The following NALF1 variants were observed in gnomAD, a reference collection of about 807,000 sequenced individuals.
NALF1 encodes family with sequence similarity 155 member A.
In NALF1, 3 loss-of-function variants were observed where a neutral mutation model predicts 48.4. That is an observed-to-expected ratio of 0.06 (90% CI 0.03 to 0.16). The LOEUF is 0.16. NALF1 is among the 10% of genes least tolerant of loss of function. The pLI is 1.00. For missense variants in NALF1, 526 were observed against 571.5 expected (o/e 0.92, Z 0.81); for synonymous variants, 262 against 245.7 (o/e 1.07, Z -0.62).
intron 1 of NALF1, among the ~76,000 whole-genome samples, chr13:107,364,449 G>A (rs547962804): frequency 9.8e-5 from 15 of 152,312 alleles, no homozygotes; most frequent in African/African-American, 2.9e-4. Flanking sequence ...CAGTGACATC[G>A]TCAGCATTGC....
At chr13:107,747,001 G>C (rs1876799406) in intron 1 of NALF1, among the ~76,000 whole-genome samples, 2 of 152,106 alleles carry the variant, frequency 1.3e-5, no homozygotes, top group Admixed American at 1.3e-4. Context: ...TGATTTTTTA[G>C]ACATAGCCCC....
chr13:107,811,764 A>G (rs1334835623), intron 1 of NALF1, among the ~76,000 whole-genome samples: 1 of 152,124 alleles, frequency 6.6e-6, no homozygotes, highest in African/African-American at 2.4e-5. Context: ...GCCTCATCTC[A>G]TGGTGGAAAG....
At position 107,808,804 on chromosome 13, in the gene NALF1, AT is replaced by A. The variant is rs780291547; in HGVS notation, c.915+56877del. Among the ~76,000 whole-genome samples the A allele has an allele frequency of 5.9e-5, 9 of 152,210 alleles. No individual in the cohort carries two copies. The South Asian group carries it at 1.0e-3, about 18-fold the overall frequency. On this transcript the variant is annotated intron_variant, in intron 1 of 2. Transcript: ENST00000375915. ...GTATCTCCCTGCCTCAGATCATAAT[AT>A]TACACATAACTGGGAGGGAGATCAA...
chr13:107,173,021 T>C (rs1367246338), intron 2 of NALF1, among the ~76,000 whole-genome samples: 1 of 152,158 alleles, frequency 6.6e-6, no homozygotes, highest in Non-Finnish European at 1.5e-5. Context: ...ATGAATAACA[T>C]GCATCTATAT....
At chr13:107,419,974 C>A (rs956638332) in intron 1 of NALF1, among the ~76,000 whole-genome samples, 3 of 152,144 alleles carry the variant, frequency 2.0e-5, no homozygotes, top group Non-Finnish European at 4.4e-5. Flanking sequence ...CTCGATGGTA[C>A]TTCAAAAATG....
In NALF1 at chr13:107,655,210, T is replaced by C. The variant is rs192494390; in HGVS notation, c.915+210472A>G. Reference sequence around the variant, plus strand: ...AATCGGTAAAGAGGAAGTCAAACTGTCGCTCTTTGCTGATAATATCATTGT... The same window carrying C: ...AATCGGTAAAGAGGAAGTCAAACTGCCGCTCTTTGCTGATAATATCATTGT... On this transcript the variant is annotated intron_variant, in intron 1 of 2. Coordinates refer to ENST00000375915, the MANE Select transcript of NALF1 (RefSeq NM_001080396.3). Among the ~76,000 whole-genome samples the C allele has an allele frequency of 6.6e-5, 10 of 152,228 alleles. No homozygotes were observed. In the South Asian group the frequency reaches 1.2e-3, roughly 19 times the overall value.
At chr13:107,430,853 T>C (rs1884367964) in intron 1 of NALF1, among the ~76,000 whole-genome samples, 1 of 152,216 alleles carries the variant, frequency 6.6e-6, no homozygotes, top group African/African-American at 2.4e-5. Flanking sequence ...TTTCTAGTTC[T>C]AGATCCCTGA....
intron 1 of NALF1, among the ~76,000 whole-genome samples, chr13:107,430,774 C>T (rs1349575841): frequency 6.6e-6 from 1 of 152,140 alleles, no homozygotes; most frequent in Non-Finnish European, 1.5e-5. Flanking sequence ...GTACATGTGT[C>T]TTTATAGCAG....
intron 1 of NALF1, among the ~76,000 whole-genome samples, chr13:107,379,831 C>A (rs1232202597): frequency 6.6e-6 from 1 of 152,196 alleles, no homozygotes; most frequent in African/African-American, 2.4e-5. Context: ...GAATACACTT[C>A]CATTCAGAGG....
chr13:107,855,852 T>TGATA (rs1880429282), intron 1 of NALF1, among the ~76,000 whole-genome samples: 1 of 152,174 alleles, frequency 6.6e-6, no homozygotes, highest in South Asian at 2.1e-4. Context: ...AATATATGGA[T>TGATA]GATAACATTA....
chr13:107,364,713 A>G (rs1433754577), intron 1 of NALF1, among the ~76,000 whole-genome samples: 2 of 152,162 alleles, frequency 1.3e-5, no homozygotes, highest in South Asian at 2.1e-4. Flanking sequence ...ACTTCACCTT[A>G]AAGTTAAAGG....
intron 1 of NALF1, among the ~76,000 whole-genome samples, chr13:107,347,826 T>C (rs1471837654): frequency 6.6e-6 from 1 of 152,198 alleles, no homozygotes; most frequent in Non-Finnish European, 1.5e-5. Context: ...GTGATGACGA[T>C]AAGAGTTAAT....
intron 1 of NALF1, among the ~76,000 whole-genome samples, chr13:107,538,209 A>G (rs1416995438): frequency 6.6e-6 from 1 of 152,076 alleles, no homozygotes; most frequent in Non-Finnish European, 1.5e-5. Context: ...ATATATTCCA[A>G]TCAAGCCATG....
At chr13:107,321,869 T>TA (rs554494875) in intron 1 of NALF1, among the ~76,000 whole-genome samples, 53 of 152,058 alleles carry the variant, frequency 3.5e-4, no homozygotes, top group Non-Finnish European at 7.2e-4. Flanking sequence ...TTCCAAAACC[T>TA]AAAAAAACGG....
intron 1 of NALF1, among the ~76,000 whole-genome samples, chr13:107,254,724 C>T (rs989657016): frequency 6.6e-6 from 1 of 152,172 alleles, no homozygotes; most frequent in South Asian, 2.1e-4. Context: ...GACAAAACCT[C>T]TTTTTCATTA....
chr13:107,568,822 T>C (rs546487564), intron 1 of NALF1, among the ~76,000 whole-genome samples: 1 of 152,358 alleles, frequency 6.6e-6, no homozygotes, highest in African/African-American at 2.4e-5. Flanking sequence ...AAGTTCTTTA[T>C]ATATTCTAAA....
chr13:107,330,521 C>A (rs1406257680), intron 1 of NALF1, among the ~76,000 whole-genome samples: 1 of 152,186 alleles, frequency 6.6e-6, no homozygotes, highest in African/African-American at 2.4e-5. Flanking sequence ...ATTTACAACC[C>A]AATATTAGTA....
At chr13:107,514,498 T>C (rs1429591696) in intron 1 of NALF1, among the ~76,000 whole-genome samples, 2 of 152,212 alleles carry the variant, frequency 1.3e-5, no homozygotes, top group East Asian at 3.9e-4. Flanking sequence ...TGGTTCATCA[T>C]AAGAACCTTT....
chr13:107,212,033 T>C (rs1028883402), intron 1 of NALF1, among the ~76,000 whole-genome samples: 11 of 152,226 alleles, frequency 7.2e-5, no homozygotes, highest in African/African-American at 1.4e-4. Context: ...AGTTATCCTA[T>C]ATTTAATCTG....
Sources: allele counts gnomAD v4.1 joint callset (sites outside exome capture counted in the v4.1 genomes callset), GRCh38; gene constraint gnomAD v4.1.1; transcripts MANE v1.5; gene names NCBI Gene and HGNC (gene_info 2026-07-23, HGNC 2026-07-21).